Variants in COX15 observed in about 807,000 individuals in gnomAD.
COX15 encodes heme A synthase COX15.
COX15 carries 51 observed loss-of-function variants against 51.9 expected under a neutral mutation model. The observed-to-expected ratio is 0.98, with a 90% confidence interval of 0.78 to 1.24. The LOEUF is 1.24. Ranked by LOEUF, COX15 falls within the 50% of genes most tolerant of loss-of-function variation. The probability of loss-of-function intolerance (pLI) is 0.00; values close to 1 mark genes in which losing one functional copy is unlikely to be tolerated. For missense variants in COX15, 420 were observed against 501.1 expected (o/e 0.84, Z 1.55); for synonymous variants, 188 against 190.5 (o/e 0.99, Z 0.11).
downstream of COX15, chr10:99,710,293 T>C: frequency 1.0e-6 from 1 of 985,450 alleles, no homozygotes. Context: ...TACTTTGGTT[T>C]CTAGTGTTTC....
chr10:99,727,713 C>A (rs746726935), intron 2 of COX15, 150 bp from the exon 3 acceptor site: 3 of 1,004,562 alleles, frequency 3.0e-6, no homozygotes, highest in Non-Finnish European at 4.6e-6. Context: ...TCTGTTACTG[C>A]TTGGAATTTT....
Position 99,713,059 on chromosome 10 carries a change from C to T in COX15, c.*1528G>A. 8.5e-7 allele frequency: 1 copy of T among 1,176,886 alleles called. No individual in the cohort carries two copies. Among genetic ancestry groups the T allele is most frequent in the Non-Finnish European group, 1.1e-6 (1 of 942,482 alleles). 72.9% of individuals were successfully genotyped at this position (1,176,886 alleles called of 1,614,324 possible). A position where few individuals can be genotyped will look rare whatever the true frequency, so the allele number is the denominator to read the frequency against. ...ACACTTAGTGGCCATCAATATCTTG[C>T]TTAAATTTGGTACCCAGAGTGAAAT... On this transcript the variant is annotated 3_prime_UTR_variant, in exon 9 of 9. Coordinates refer to ENST00000016171, the MANE Select transcript of COX15 (RefSeq NM_078470.6).
chr10:99,716,080 C>G (rs554361362), intron 8 of COX15, among the ~76,000 whole-genome samples: 4 of 150,458 alleles, frequency 2.7e-5, no homozygotes, highest in Middle Eastern at 3.4e-3. Flanking sequence ...CAGCCTCAAC[C>G]TCCCTGGCTC....
rs539999248 is a variant in COX15, at chr10:99,727,143, T to A, written c.407A>T (p.Asp136Val). 4 of 1,614,208 alleles carry A rather than the reference T, an allele frequency of 2.5e-6. No individual in the cohort carries two copies. In the South Asian group the frequency reaches 3.3e-5, roughly 13 times the overall value. The stretch of plus-strand genomic sequence containing the variant: ...GAACTTGAATTCTGTCAGTGTCATA[T>A]CATGATTCAAGCTGGGTGAAATGGA... ...QFPEFKILNH[D>V]MTLTEFKFIW... The change falls in exon 4 of 9, where the codon GAT (aspartate) becomes GTT (valine). Residue 136 changes from aspartate (D) to valine (V), a missense_variant. Transcript: ENST00000016171.
At chr10:99,699,719 C>G in the COX15 span, among the ~76,000 whole-genome samples, 1 of 152,144 alleles carries the variant, frequency 6.6e-6, no homozygotes, top group Non-Finnish European at 1.5e-5. Context: ...TGCCCACCAC[C>G]ATGCCTGGCT....
chr10:99,706,424 C>A (rs1406022783), downstream of COX15, among the ~76,000 whole-genome samples: 1 of 152,148 alleles, frequency 6.6e-6, no homozygotes, highest in African/African-American at 2.4e-5. Flanking sequence ...CAGCCTCAAC[C>A]TCCTGGGCTC....
At chr10:99,724,372 G>A (rs2036878707) in intron 4 of COX15, among the ~76,000 whole-genome samples, 1 of 152,032 alleles carries the variant, frequency 6.6e-6, no homozygotes, top group African/African-American at 2.4e-5. Context: ...TAGTAGAGAT[G>A]GGGTTTCACC....
chr10:99,695,938 C>G, the COX15 span: 23 of 1,577,738 alleles, frequency 1.5e-5, no homozygotes, highest in Non-Finnish European at 2.0e-5. Context: ...CCCTTTTTCT[C>G]TTGGTATTGT....
intron 4 of COX15, among the ~76,000 whole-genome samples, chr10:99,724,890 A>G (rs1458291358): frequency 6.6e-6 from 1 of 152,236 alleles, no homozygotes; most frequent in African/African-American, 2.4e-5. Flanking sequence ...AAAAATCAAT[A>G]AGGTTTTGCA....
chr10:99,709,090 T>C, downstream of COX15: 8 of 981,926 alleles, frequency 8.1e-6, no homozygotes, highest in Non-Finnish European at 9.7e-6. Context: ...ATACATCTTT[T>C]TAAAACAATT....
intron 4 of COX15, among the ~76,000 whole-genome samples, chr10:99,725,256 T>C (rs978167509): frequency 4.6e-5 from 7 of 152,184 alleles, no homozygotes; most frequent in South Asian, 2.1e-4. Flanking sequence ...TTTTTGGGCA[T>C]TTCTCTCCCC....
the COX15 span, chr10:99,696,113 A>G: frequency 5.6e-6 from 9 of 1,612,846 alleles, no homozygotes; most frequent in Non-Finnish European, 7.6e-6. Context: ...GAAACTCTTA[A>G]CAAAAACAGG....
At chr10:99,714,739 C>CAAT in intron 8 of COX15, 21 bp from the exon 9 acceptor site, 1 of 1,612,040 alleles carries the variant, frequency 6.2e-7, no homozygotes, top group Non-Finnish European at 8.5e-7. Context: ...GGAAAGAAGG[C>CAAT]AATAGGAAAG....
intron 8 of COX15, among the ~76,000 whole-genome samples, chr10:99,715,760 CTTTT>C (rs373966604): frequency 1.3e-3 from 201 of 151,700 alleles, no homozygotes; most frequent in Non-Finnish European, 2.2e-3. Context: ...ACCTGATTAT[CTTTT>C]TTTTCACTTT....
At chr10:99,704,609 C>T in the COX15 span, 10 of 1,614,056 alleles carry the variant, frequency 6.2e-6, no homozygotes, top group East Asian at 2.2e-5. Flanking sequence ...CCGACAAACA[C>T]GAGCCTCAGC....
the COX15 span, chr10:99,704,614 C>G: frequency 6.2e-7 from 1 of 1,614,184 alleles, no homozygotes; most frequent in Non-Finnish European, 8.5e-7. Flanking sequence ...AAACACGAGC[C>G]TCAGCTCCAT....
chr10:99,700,434 G>C, the COX15 span, among the ~76,000 whole-genome samples: 1 of 93,424 alleles, frequency 1.1e-5, no homozygotes, highest in African/African-American at 3.7e-5. Context: ...GTGTGTGTGT[G>C]TGTGTGTGTG....
In COX15 at chr10:99,712,004, G is replaced by T; in HGVS notation, c.*2583C>A. 1 of 282,816 alleles carries T rather than the reference G, an allele frequency of 3.5e-6. No homozygotes were observed. Among genetic ancestry groups the T allele is most frequent in the Non-Finnish European group, 5.3e-6 (1 of 187,588 alleles). The allele number at this position is 282,816 out of a possible 1,614,324, so 17.5% of individuals were successfully genotyped here. A position where few individuals can be genotyped will look rare whatever the true frequency, so the allele number is the denominator to read the frequency against. On this transcript the variant is annotated 3_prime_UTR_variant, in exon 9 of 9. Coordinates refer to ENST00000016171, the MANE Select transcript of COX15 (RefSeq NM_078470.6). ...TGTCACATGGTGAGAGAGAGCAAGC[G>T]AGAGAGGAGGAAGTTCCAGGCTCTT... is the stretch of plus-strand genomic sequence containing the variant.
intron 1 of COX15, among the ~76,000 whole-genome samples, chr10:99,731,699 TAACA>T (rs1462558330): frequency 6.6e-6 from 1 of 152,232 alleles, no homozygotes; most frequent in Non-Finnish European, 1.5e-5. Context: ...GTAATCCTCA[TAACA>T]AACCTTAAAG....
Sources: allele counts gnomAD v4.1 joint callset (sites outside exome capture counted in the v4.1 genomes callset), GRCh38; gene constraint gnomAD v4.1.1; transcripts MANE v1.5; gene names NCBI Gene and HGNC (gene_info 2026-07-23, HGNC 2026-07-21).